The following CTNNA2 variants were observed in gnomAD, a reference collection of about 807,000 sequenced individuals.
CTNNA2 encodes catenin alpha 2.
Under a neutral mutation model 101.0 loss-of-function variants are expected in CTNNA2, and 42 were observed. The ratio of observed to expected loss-of-function variants is 0.42; its 90% confidence interval spans 0.32 to 0.54. The LOEUF (loss-of-function observed/expected upper bound fraction) is 0.54. CTNNA2 is among the 20% of genes least tolerant of loss of function. CTNNA2 has a pLI of 0.14. For synonymous variants in CTNNA2, 450 were observed against 456.4 expected, an observed-to-expected ratio of 0.99 and a Z score of 0.18; for missense variants, 871 against 1,223.1, an observed-to-expected ratio of 0.71 and a Z score of 4.29.
At chr2:79,843,302 A>G (rs1269022431) in intron 3 of CTNNA2, among the ~76,000 whole-genome samples, 2 of 152,250 alleles carry the variant, frequency 1.3e-5, no homozygotes, top group African/African-American at 4.8e-5. Context: ...ATTAAAAATT[A>G]CTGAAACCAC....
intron 3 of CTNNA2, among the ~76,000 whole-genome samples, chr2:79,844,563 G>A (rs961530175): frequency 3.3e-5 from 5 of 152,052 alleles, no homozygotes; most frequent in African/African-American, 1.2e-4. Context: ...TCATTCTTTC[G>A]TTTATTACTG....
At chr2:79,262,344 C>T (rs1054828400) in intron 2 of CTNNA2, among the ~76,000 whole-genome samples, 1 of 151,872 alleles carries the variant, frequency 6.6e-6, no homozygotes, top group African/African-American at 2.4e-5. Flanking sequence ...TCAAGAAAAA[C>T]AAGATCAATA....
At chr2:80,565,715 C>T (rs1694000093) in intron 12 of CTNNA2, among the ~76,000 whole-genome samples, 1 of 152,074 alleles carries the variant, frequency 6.6e-6, no homozygotes, top group Admixed American at 6.6e-5. Flanking sequence ...GACATGCATC[C>T]TACTTGTTTG....
chr2:80,536,760 C>G (rs1305677668), intron 9 of CTNNA2, among the ~76,000 whole-genome samples: 1 of 152,212 alleles, frequency 6.6e-6, no homozygotes, highest in Non-Finnish European at 1.5e-5. Flanking sequence ...AGTGTTCAAA[C>G]AAGACTGTGG....
chr2:80,025,524 C>G (rs979576548), intron 7 of CTNNA2, among the ~76,000 whole-genome samples: 4 of 152,186 alleles, frequency 2.6e-5, no homozygotes, highest in African/African-American at 9.7e-5. Context: ...AAGTCATGAA[C>G]TAGAGGAAAA....
chr2:79,213,568 G>A (rs925440437), intron 2 of CTNNA2, among the ~76,000 whole-genome samples: 2 of 152,136 alleles, frequency 1.3e-5, no homozygotes, highest in African/African-American at 2.4e-5. Context: ...GGTGAGTGGC[G>A]ATTAGGCCTG....
chr2:79,550,192 T>C (rs1346109235), intron 1 of CTNNA2, among the ~76,000 whole-genome samples: 1 of 152,228 alleles, frequency 6.6e-6, no homozygotes, highest in Non-Finnish European at 1.5e-5. Flanking sequence ...TTCTGCACTC[T>C]GGTTACCTTT....
At chr2:80,591,457 G>GTTTTTTTTCTTTTTTTTTTTTTTTTTTTT (rs1696487997) in intron 15 of CTNNA2, among the ~76,000 whole-genome samples, 1 of 70,314 alleles carries the variant, frequency 1.4e-5, no homozygotes, top group Non-Finnish European at 3.0e-5. Flanking sequence ...TGCACAGCCT[G>GTTTTTTTTCTTTTTTTTTTTTTTTTTTTT]TTTTTTTTTT....
rs538676089 is a variant in CTNNA2 at position 79,384,748 on chromosome 2, ACTC to A, written c.-135+10741_-135+10743del. Among the ~76,000 whole-genome samples the A allele has an allele frequency of 6.6e-4, 100 of 151,936 alleles. 1 individual carries two copies. Among genetic ancestry groups the A allele is most frequent in the African/African-American group, 2.3e-3 (97 of 41,426 alleles). On this transcript the variant is annotated intron_variant, in intron 4 of 21. Transcript: ENST00000466387. ...ACCCTTTTGAAACTCTTTCTTCCTT[ACTC>A]CTCCTTGTCAAAATTCTACCCGTGC...
At chr2:79,301,652 C>T (rs564484367) in intron 2 of CTNNA2, among the ~76,000 whole-genome samples, 1 of 152,240 alleles carries the variant, frequency 6.6e-6, no homozygotes, top group South Asian at 2.1e-4. Context: ...ACCCACCTCT[C>T]ATCCCCCCTA....
chr2:80,133,636 A>G (rs1432503308), intron 7 of CTNNA2, among the ~76,000 whole-genome samples: 1 of 152,162 alleles, frequency 6.6e-6, no homozygotes, highest in Non-Finnish European at 1.5e-5. Flanking sequence ...ATGTGTATAG[A>G]AAAAAATTGT....
chr2:79,681,721 A>G (rs574563036), intron 2 of CTNNA2, among the ~76,000 whole-genome samples: 1 of 152,282 alleles, frequency 6.6e-6, no homozygotes, highest in East Asian at 1.9e-4. Context: ...TTTTCTACTT[A>G]ACTTCATTAA....
At chr2:79,771,483 T>C (rs1673574564) in intron 3 of CTNNA2, among the ~76,000 whole-genome samples, 1 of 152,206 alleles carries the variant, frequency 6.6e-6, no homozygotes, top group South Asian at 2.1e-4. Context: ...CTCACCATAA[T>C]GTAGAATCAG....
chr2:79,694,664 G>A (rs1359323265), intron 2 of CTNNA2, among the ~76,000 whole-genome samples: 1 of 151,796 alleles, frequency 6.6e-6, no homozygotes, highest in African/African-American at 2.4e-5. Context: ...CTGCTTGAGT[G>A]TTAGATGTTA....
At chr2:80,179,750 GT>G (rs1304103824) in intron 7 of CTNNA2, among the ~76,000 whole-genome samples, 1 of 152,114 alleles carries the variant, frequency 6.6e-6, no homozygotes, top group African/African-American at 2.4e-5. Flanking sequence ...ATGCAATATT[GT>G]TTTTGATTTA....
At chr2:79,381,861 C>T (rs1188567705) in intron 4 of CTNNA2, among the ~76,000 whole-genome samples, 1 of 152,190 alleles carries the variant, frequency 6.6e-6, no homozygotes, top group Non-Finnish European at 1.5e-5. Flanking sequence ...TGTTGGGTTC[C>T]ATCCTGACCA....
chr2:80,045,270 C>T (rs1347732664), intron 7 of CTNNA2, among the ~76,000 whole-genome samples: 1 of 152,202 alleles, frequency 6.6e-6, no homozygotes, highest in Non-Finnish European at 1.5e-5. Flanking sequence ...GACACCTCAT[C>T]TATCACTAGG....
intron 7 of CTNNA2, among the ~76,000 whole-genome samples, chr2:80,101,601 G>A (rs1282895663): frequency 6.6e-6 from 1 of 152,146 alleles, no homozygotes; most frequent in East Asian, 1.9e-4. Context: ...AAATGGTTTG[G>A]GCAGTAATTC....
chr2:80,149,037 T>C (rs1405306313), intron 7 of CTNNA2, among the ~76,000 whole-genome samples: 1 of 151,478 alleles, frequency 6.6e-6, no homozygotes, highest in Non-Finnish European at 1.5e-5. Flanking sequence ...TTTTTTTTTT[T>C]TTTTTTTTAA....
Sources: allele counts gnomAD v4.1 joint callset (sites outside exome capture counted in the v4.1 genomes callset), GRCh38; gene constraint gnomAD v4.1.1; transcripts MANE v1.5; gene names NCBI Gene and HGNC (gene_info 2026-07-23, HGNC 2026-07-21).